Variants in PTPRG observed in about 807,000 individuals in gnomAD.
PTPRG encodes protein tyrosine phosphatase receptor type G, also known as receptor-type tyrosine-protein phosphatase gamma.
PTPRG carries 102 observed loss-of-function variants against 165.3 expected under a neutral mutation model. That is an observed-to-expected ratio of 0.62 (90% CI 0.53 to 0.73). PTPRG has a LOEUF of 0.73. Ranked by LOEUF, PTPRG falls within the 30% of genes least tolerant of loss-of-function variation. PTPRG has a pLI of 0.00. For synonymous variants in PTPRG, 675 were observed against 669.5 expected, an observed-to-expected ratio of 1.01 and a Z score of -0.13; for missense variants, 1,866 against 1,861.4, an observed-to-expected ratio of 1.00 and a Z score of -0.05.
chr3:61,758,768 AT>A (rs1274042296), intron 2 of PTPRG, among the ~76,000 whole-genome samples: 2 of 151,878 alleles, frequency 1.3e-5, no homozygotes, highest in African/African-American at 4.8e-5. Context: ...TTGAACTCTC[AT>A]TCTTTATCTT....
chr3:62,014,233 C>G (rs547566995), intron 4 of PTPRG, among the ~76,000 whole-genome samples: 20 of 152,274 alleles, frequency 1.3e-4, no homozygotes, highest in Admixed American at 4.6e-4. Context: ...TTGCACCCCC[C>G]CTTTAATGGA....
chr3:61,653,818 G>A (rs1325038131), intron 1 of PTPRG, among the ~76,000 whole-genome samples: 2 of 140,604 alleles, frequency 1.4e-5, no homozygotes, highest in Non-Finnish European at 3.1e-5. Flanking sequence ...GGCCCACACT[G>A]TTCCCAGTTA....
chr3:62,032,009 A>G (rs1006615865), intron 4 of PTPRG, among the ~76,000 whole-genome samples: 2 of 152,186 alleles, frequency 1.3e-5, no homozygotes, highest in Admixed American at 1.3e-4. Flanking sequence ...GGAAATAAAG[A>G]TTTGAGAGGC....
chr3:61,696,274 C>T (rs920635887), intron 1 of PTPRG, among the ~76,000 whole-genome samples: 8 of 152,212 alleles, frequency 5.3e-5, no homozygotes, highest in South Asian at 4.2e-4. Context: ...GGCTGAGGTG[C>T]GTGGTTCGCC....
chr3:61,778,829 C>A (rs935572862), intron 2 of PTPRG, among the ~76,000 whole-genome samples: 5 of 152,134 alleles, frequency 3.3e-5, no homozygotes, highest in African/African-American at 9.6e-5. Context: ...GCAGAGGGAC[C>A]AACAAGTATC....
intron 2 of PTPRG, among the ~76,000 whole-genome samples, chr3:61,908,121 T>TTA (rs2038704256): frequency 3.0e-5 from 2 of 67,186 alleles, no homozygotes; most frequent in East Asian, 9.5e-4. Flanking sequence ...CACCTCTCTT[T>TTA]AAAAAAAAAA....
chr3:61,798,113 T>C lies in PTPRG; in HGVS notation c.190+49131T>C, dbSNP rs188192402. On this transcript the variant is annotated intron_variant, in intron 2 of 29. Transcript: ENST00000474889. ...CTCGTCTGCATTTTAATACAGACAA[T>C]TGCATAAATTATCTCTTATAGGAAT... is the stretch of plus-strand genomic sequence containing the variant. 1.7e-3 allele frequency among the ~76,000 whole-genome samples: 258 copies of C among 152,286 alleles called. 1 individual carries two copies. Among genetic ancestry groups the C allele is most frequent in the Middle Eastern group, 6.8e-3 (2 of 294 alleles).
chr3:61,602,358 A>G (rs967364187), intron 1 of PTPRG, among the ~76,000 whole-genome samples: 2 of 152,032 alleles, frequency 1.3e-5, no homozygotes, highest in African/African-American at 4.8e-5. Context: ...CATCCAACCC[A>G]GTGTACACAA....
At chr3:61,612,485 T>C (rs1289800374) in intron 1 of PTPRG, among the ~76,000 whole-genome samples, 1 of 152,218 alleles carries the variant, frequency 6.6e-6, no homozygotes, top group Non-Finnish European at 1.5e-5. Flanking sequence ...GTGGCCTGTT[T>C]CCAGTTAGAA....
chr3:61,939,041 C>T (rs1004145837), intron 2 of PTPRG, among the ~76,000 whole-genome samples: 2 of 152,124 alleles, frequency 1.3e-5, no homozygotes, highest in Admixed American at 6.5e-5. Context: ...CATTATAATA[C>T]GTTTAAATTA....
At chr3:61,690,641 A>T (rs1012816414) in intron 1 of PTPRG, among the ~76,000 whole-genome samples, 3 of 152,164 alleles carry the variant, frequency 2.0e-5, no homozygotes, top group African/African-American at 4.8e-5. Flanking sequence ...CCGTCATCAC[A>T]CATCAAGGCC....
chr3:62,185,248 T>C lies in PTPRG; in HGVS notation c.1034-6221T>C, dbSNP rs1232508798. On this transcript the variant is annotated intron_variant, in intron 8 of 29. Coordinates refer to ENST00000474889, the MANE Select transcript of PTPRG (RefSeq NM_002841.4). ...AAGCAATCGGACCCCAGTGGGAACA[T>C]AATCAGGCCCCTGAAAGGGGAAAGG... Among the ~76,000 whole-genome samples the C allele has an allele frequency of 5.3e-5, 8 of 152,094 alleles. No individual in the cohort carries two copies. In the East Asian group the frequency reaches 1.5e-3, roughly 29 times the overall value.
At chr3:61,868,501 A>G (rs1423047625) in intron 2 of PTPRG, among the ~76,000 whole-genome samples, 1 of 151,568 alleles carries the variant, frequency 6.6e-6, no homozygotes, top group Non-Finnish European at 1.5e-5. Context: ...GGCATTCAAC[A>G]CTCTGCCTTC....
In PTPRG at chr3:61,682,149, CAAA is replaced by C. The variant is rs35398190; in HGVS notation, c.86-66713_86-66711del. Among the ~76,000 whole-genome samples, 5 of 96,784 alleles carry C rather than the reference CAAA, an allele frequency of 5.2e-5. No homozygotes were observed. In the Admixed American group the frequency reaches 5.5e-4, roughly 11 times the overall value. The allele number at this position is 96,784 out of a possible 152,430, so 63.5% of individuals were successfully genotyped here. ...GGGCCACAGAGCAAGACTCCTGTCT[CAAA>C]AAAAAAAAAAAAAAAGTGAACTGGT... On this transcript the variant is annotated intron_variant, in intron 1 of 29. Transcript: ENST00000474889.
At chr3:62,133,828 C>T (rs1359025563) in intron 6 of PTPRG, among the ~76,000 whole-genome samples, 1 of 151,934 alleles carries the variant, frequency 6.6e-6, no homozygotes, top group African/African-American at 2.4e-5. Flanking sequence ...CTACTAAATA[C>T]AAAAATTAGC....
chr3:61,653,436 A>G (rs1442137151), intron 1 of PTPRG, among the ~76,000 whole-genome samples: 1 of 148,200 alleles, frequency 6.7e-6, no homozygotes, highest in Non-Finnish European at 1.5e-5. Flanking sequence ...CTTTTCTGTC[A>G]TTTTAATGTT....
At chr3:61,781,866 C>T (rs1318816127) in intron 2 of PTPRG, among the ~76,000 whole-genome samples, 2 of 150,374 alleles carry the variant, frequency 1.3e-5, no homozygotes, top group Non-Finnish European at 3.0e-5. Flanking sequence ...TAGCTGGGAC[C>T]CCAGGCATGC....
chr3:62,014,252 A>G (rs1324609290), intron 4 of PTPRG, among the ~76,000 whole-genome samples: 1 of 152,182 alleles, frequency 6.6e-6, no homozygotes, highest in Non-Finnish European at 1.5e-5. Flanking sequence ...GAATGGGAAG[A>G]AAGTTTCAAA....
At chr3:61,650,160 T>A (rs553782420) in intron 1 of PTPRG, among the ~76,000 whole-genome samples, 1 of 152,134 alleles carries the variant, frequency 6.6e-6, no homozygotes, top group Non-Finnish European at 1.5e-5. Context: ...GTGATACATA[T>A]TGAATGTGTG....
Sources: allele counts gnomAD v4.1 joint callset (sites outside exome capture counted in the v4.1 genomes callset), GRCh38; gene constraint gnomAD v4.1.1; transcripts MANE v1.5; gene names NCBI Gene and HGNC (gene_info 2026-07-23, HGNC 2026-07-21).